Variants in CDK7 observed in about 807,000 individuals in gnomAD.
The protein encoded by CDK7 is cyclin dependent kinase 7.
Under a neutral mutation model 49.1 loss-of-function variants are expected in CDK7, and 25 were observed. That is an observed-to-expected ratio of 0.51 (90% CI 0.37 to 0.71). The LOEUF (loss-of-function observed/expected upper bound fraction) is 0.71. Among genes scored for constraint, CDK7 ranks in the 30% least tolerant of loss-of-function variants. The pLI is 0.00. For missense variants in CDK7, 316 were observed against 411.7 expected (o/e 0.77, Z 2.01); for synonymous variants, 107 against 140.0 (o/e 0.76, Z 1.67).
chr5:69,236,442 C>T (rs1412816979), intron 2 of CDK7, among the ~76,000 whole-genome samples: 2 of 152,008 alleles, frequency 1.3e-5, no homozygotes, highest in African/African-American at 4.8e-5. Flanking sequence ...TCCAGGTGTC[C>T]TGATGTTGCT....
chr5:69,234,810 T>C (rs928950643), upstream of CDK7: 5 of 674,632 alleles, frequency 7.4e-6, no homozygotes, highest in East Asian at 2.8e-5. Flanking sequence ...GCCAACCGCC[T>C]GGGCCTAGCG....
chr5:69,242,431 GT>G (rs1160836838), intron 2 of CDK7, among the ~76,000 whole-genome samples: 1 of 152,126 alleles, frequency 6.6e-6, no homozygotes, highest in Admixed American at 6.6e-5. Flanking sequence ...CCTGGTCCAA[GT>G]GGCACCAGTT....
At chr5:69,268,824 G>A (rs1332111862) in intron 8 of CDK7, among the ~76,000 whole-genome samples, 6 of 114,660 alleles carry the variant, frequency 5.2e-5, no homozygotes, top group Admixed American at 1.1e-4. Flanking sequence ...GCAACAGAGC[G>A]AGACTGTCTC....
rs1748838284 is a variant in CDK7 at position 69,234,902 on chromosome 5, TTTAA to T, written c.-73_-70del. 15 of 1,455,512 alleles carry T rather than the reference TTTAA, an allele frequency of 1.0e-5. No individual in the cohort carries two copies. In the East Asian group the frequency reaches 3.7e-4, roughly 36 times the overall value. 90.2% of individuals were successfully genotyped at this position (1,455,512 alleles called of 1,614,324 possible). A position where few individuals can be genotyped will look rare whatever the true frequency, so the allele number is the denominator to read the frequency against. On this transcript the variant is annotated 5_prime_UTR_variant, in exon 1 of 12. Coordinates refer to ENST00000256443, the MANE Select transcript of CDK7 (RefSeq NM_001799.4). ...GTGGACGGAAGTGGGTGTTGGAGGC[TTTAA>T]GGTAGCTTTAAATTCGTGTTGTCCT...
chr5:69,275,220 C>T (rs1241875468), intron 10 of CDK7, among the ~76,000 whole-genome samples: 2 of 152,034 alleles, frequency 1.3e-5, no homozygotes, highest in Non-Finnish European at 2.9e-5. Context: ...GAACATTGGC[C>T]TGGTAATTAA....
chr5:69,235,346 AAC>A (rs1354125499), intron 1 of CDK7, 46 bp from the exon 2 acceptor site: 2 of 1,385,138 alleles, frequency 1.4e-6, no homozygotes, highest in African/African-American at 2.9e-5. Context: ...CAAAAAGGCA[AAC>A]ACAAAAACTC....
intron 2 of CDK7, 121 bp downstream of exon 2, chr5:69,235,574 A>G: frequency 2.8e-6 from 2 of 724,934 alleles, no homozygotes; most frequent in East Asian, 2.7e-5. Flanking sequence ...TGTCATTTTC[A>G]GAGACAAAAT....
Position 69,269,757 on chromosome 5 carries a change from A to T in CDK7, c.714+464A>T, listed in dbSNP as rs10066861. 3.7e-3 allele frequency among the ~76,000 whole-genome samples: 564 copies of T among 150,750 alleles called. 22 individuals carry two copies. The East Asian group carries it at 0.097, about 26-fold the overall frequency. ...TCTTAGATTTTTTTAAATTATTATT[A>T]TTTTTTTTAATAGAGATGGGGTTTC... On this transcript the variant is annotated intron_variant, in intron 9 of 11. Coordinates refer to ENST00000256443, the MANE Select transcript of CDK7 (RefSeq NM_001799.4).
chr5:69,273,291 A>G (rs1751751086), intron 10 of CDK7, among the ~76,000 whole-genome samples: 1 of 151,444 alleles, frequency 6.6e-6, no homozygotes, highest in South Asian at 2.1e-4. Flanking sequence ...ATTTAAATAC[A>G]TGTCTATTTC....
intron 1 of CDK7, 140 bp downstream of exon 1, chr5:69,235,181 C>T: frequency 1.2e-6 from 1 of 825,538 alleles, no homozygotes; most frequent in Non-Finnish European, 2.0e-6. Flanking sequence ...GACGCACTTG[C>T]TGCCCATTCT....
chr5:69,237,506 C>G (rs1261836179), intron 2 of CDK7, among the ~76,000 whole-genome samples: 2 of 152,134 alleles, frequency 1.3e-5, no homozygotes. Context: ...GTATGCCTCC[C>G]TCCTTCCCTA....
chr5:69,258,361 G>A (rs1750615463), intron 6 of CDK7, among the ~76,000 whole-genome samples: 2 of 149,182 alleles, frequency 1.3e-5, no homozygotes, highest in Non-Finnish European at 3.0e-5. Flanking sequence ...AGAACTGGAA[G>A]AGATCCAGTC....
chr5:69,254,276 C>T lies in CDK7; in HGVS notation c.161-326C>T, dbSNP rs574415322. Among the ~76,000 whole-genome samples the T allele has an allele frequency of 5.3e-4, 80 of 152,168 alleles. No homozygotes were observed. In the South Asian group the frequency reaches 0.016, roughly 30 times the overall value. On this transcript the variant is annotated intron_variant, in intron 3 of 11. Transcript: ENST00000256443. The stretch of plus-strand genomic sequence containing the variant: ...TGGTGGCTCACGCCTGTAATCCCAG[C>T]ACTTCAGGAGGCCAAAGCGGGTGGA...
At chr5:69,277,024 G>A (rs1435165701) in intron 11 of CDK7, 83 bp from the exon 12 acceptor site, 2 of 1,185,896 alleles carry the variant, frequency 1.7e-6, no homozygotes, top group Non-Finnish European at 2.4e-6. Flanking sequence ...TTGGAATGCA[G>A]TGACTGGTTA....
intron 8 of CDK7, among the ~76,000 whole-genome samples, chr5:69,265,743 CTACCAAAAA>C (rs1426457746): frequency 1.3e-5 from 2 of 152,006 alleles, no homozygotes; most frequent in African/African-American, 2.4e-5. Flanking sequence ...AACCCTGTCT[CTACCAAAAA>C]TACAAAAATT....
intron 2 of CDK7, among the ~76,000 whole-genome samples, chr5:69,246,217 A>G (rs1749745011): frequency 6.6e-6 from 1 of 151,998 alleles, no homozygotes; most frequent in Admixed American, 6.6e-5. Flanking sequence ...GCTCACTGCA[A>G]TCTCCGCCTC....
chr5:69,261,436 A>G (rs927841190), intron 7 of CDK7, among the ~76,000 whole-genome samples: 1 of 151,676 alleles, frequency 6.6e-6, no homozygotes. Context: ...GATAAGCTTG[A>G]TAAGAGCAGT....
intron 10 of CDK7, among the ~76,000 whole-genome samples, chr5:69,274,760 T>G (rs1751938834): frequency 6.6e-6 from 1 of 151,882 alleles, no homozygotes; most frequent in Non-Finnish European, 1.5e-5. Flanking sequence ...GGATTACAGG[T>G]GCACACCACC....
intron 8 of CDK7, among the ~76,000 whole-genome samples, chr5:69,266,506 C>G (rs1751167618): frequency 6.6e-6 from 1 of 152,068 alleles, no homozygotes; most frequent in South Asian, 2.1e-4. Context: ...CTTAAACCCA[C>G]AAGGCAGAGG....
Sources: allele counts gnomAD v4.1 joint callset (sites outside exome capture counted in the v4.1 genomes callset), GRCh38; gene constraint gnomAD v4.1.1; transcripts MANE v1.5; gene names NCBI Gene and HGNC (gene_info 2026-07-23, HGNC 2026-07-21).